The following RALYL variants were observed in gnomAD, a reference collection of about 807,000 sequenced individuals.
RALYL encodes RNA-binding Raly-like protein.
Under a neutral mutation model 35.1 loss-of-function variants are expected in RALYL, and 29 were observed. That is an observed-to-expected ratio of 0.83 (90% CI 0.61 to 1.13). RALYL has a LOEUF of 1.13. RALYL is among the 50% of genes most tolerant of loss of function. The pLI is 0.00. For missense variants in RALYL, 359 were observed against 360.4 expected (o/e 1.00, Z 0.03); for synonymous variants, 120 against 127.6 (o/e 0.94, Z 0.40).
intron 4 of RALYL, among the ~76,000 whole-genome samples, chr8:84,822,419 G>C (rs1828738594): frequency 6.6e-6 from 1 of 152,146 alleles, no homozygotes; most frequent in African/African-American, 2.4e-5. Context: ...GAAAGGATTT[G>C]ATAGCATTGC....
chr8:84,558,705 T>C (rs1209640023), intron 2 of RALYL, among the ~76,000 whole-genome samples: 1 of 152,148 alleles, frequency 6.6e-6, no homozygotes, highest in Non-Finnish European at 1.5e-5. Flanking sequence ...TTCTGGTCGC[T>C]GGAGAGGAAA....
intron 1 of RALYL, among the ~76,000 whole-genome samples, chr8:84,375,742 T>A (rs1856784582): frequency 6.6e-6 from 1 of 151,820 alleles, no homozygotes; most frequent in Admixed American, 6.6e-5. Flanking sequence ...TTTGCCAAAG[T>A]AGATATAAAT....
chr8:84,437,535 T>C (rs2047872139), intron 1 of RALYL, among the ~76,000 whole-genome samples: 1 of 152,142 alleles, frequency 6.6e-6, no homozygotes, highest in Non-Finnish European at 1.5e-5. Context: ...TTTGACTTTT[T>C]AATAGTAGCC....
At chr8:84,708,186 T>A (rs1303374995) in intron 2 of RALYL, among the ~76,000 whole-genome samples, 1 of 152,110 alleles carries the variant, frequency 6.6e-6, no homozygotes, top group East Asian at 1.9e-4. Context: ...TAAAGGTGCA[T>A]GTGGCTATGT....
intron 1 of RALYL, among the ~76,000 whole-genome samples, chr8:84,220,299 G>A (rs1172795473): frequency 5.3e-5 from 8 of 151,946 alleles, no homozygotes; most frequent in Non-Finnish European, 5.9e-5. Context: ...TGTCATATAT[G>A]TAAGCATATA....
chr8:84,857,024 G>A (rs1187942722), intron 5 of RALYL, among the ~76,000 whole-genome samples: 1 of 111,612 alleles, frequency 9.0e-6, no homozygotes, highest in Non-Finnish European at 1.7e-5. Flanking sequence ...GACAGAGCGA[G>A]ACTCCGTCTC....
intron 4 of RALYL, among the ~76,000 whole-genome samples, chr8:84,815,702 G>GAAAT (rs975361914): frequency 2.6e-5 from 4 of 151,914 alleles, no homozygotes; most frequent in Non-Finnish European, 5.9e-5. Context: ...TCTGATCTTG[G>GAAAT]AAATAAGCTG....
At position 84,657,293 on chromosome 8, in the gene RALYL, T is replaced by C. The variant is rs73296178; in HGVS notation, c.257-117286T>C. 6.2e-3 allele frequency among the ~76,000 whole-genome samples: 948 copies of C among 152,298 alleles called. 7 individuals are homozygous for C. The highest frequency in any genetic ancestry group is 0.026 in the East Asian group (134 of 5,182). On this transcript the variant is annotated intron_variant, in intron 2 of 8. Transcript: ENST00000521268. ...TAGTTGCTTGTTTAGTATTTGTCCA[T>C]TTATCAAATTAGTTTTCTTTTACTA...
intron 8 of RALYL, among the ~76,000 whole-genome samples, chr8:84,894,001 C>T (rs566509953): frequency 3.3e-5 from 5 of 152,232 alleles, no homozygotes; most frequent in African/African-American, 1.2e-4. Flanking sequence ...AGTAAGTCAC[C>T]TGGGCTTACC....
chr8:84,431,015 G>A (rs1210051765), intron 1 of RALYL, among the ~76,000 whole-genome samples: 2 of 152,120 alleles, frequency 1.3e-5, no homozygotes, highest in Non-Finnish European at 2.9e-5. Flanking sequence ...TTCTTCTTCT[G>A]TAAAGTAGGG....
intron 4 of RALYL, among the ~76,000 whole-genome samples, chr8:84,818,047 G>A (rs1827756576): frequency 6.6e-6 from 1 of 152,170 alleles, no homozygotes; most frequent in Non-Finnish European, 1.5e-5. Flanking sequence ...GAAGTGTTAA[G>A]AGAATCCAAT....
chr8:84,778,530 C>G (rs1817382505), intron 3 of RALYL, among the ~76,000 whole-genome samples: 1 of 152,150 alleles, frequency 6.6e-6, no homozygotes, highest in Non-Finnish European at 1.5e-5. Context: ...GAGGAAGTTA[C>G]TGATTCTGCC....
At chr8:84,858,947 C>T (rs1837573654) in intron 5 of RALYL, among the ~76,000 whole-genome samples, 1 of 152,048 alleles carries the variant, frequency 6.6e-6, no homozygotes, top group South Asian at 2.1e-4. Context: ...AAAATTATGC[C>T]CTCGTGTTAG....
intron 4 of RALYL, among the ~76,000 whole-genome samples, chr8:84,835,546 G>A (rs1300657745): frequency 1.3e-5 from 2 of 150,478 alleles, no homozygotes; most frequent in Admixed American, 6.6e-5. Context: ...AGCTGGGCAT[G>A]GTGGTGCATG....
chr8:84,356,986 G>T lies in RALYL; in HGVS notation c.-23-172313G>T, dbSNP rs544556501. On this transcript the variant is annotated intron_variant, in intron 1 of 8. Transcript: ENST00000521268. ...ACTGATATATTTTTGCTGTAAGGGC[G>T]TCACAAACATAATGAGTCCAGTTAC... Among the ~76,000 whole-genome samples, 27 of 152,162 alleles carry T rather than the reference G, an allele frequency of 1.8e-4. No homozygotes were observed. In the South Asian group the frequency reaches 5.6e-3, roughly 32 times the overall value.
intron 1 of RALYL, among the ~76,000 whole-genome samples, chr8:84,343,730 A>G (rs1849297640): frequency 6.6e-6 from 1 of 151,836 alleles, no homozygotes; most frequent in African/African-American, 2.4e-5. Flanking sequence ...CCAGGGCTGA[A>G]CCATTCCTCC....
chr8:84,757,705 T>A (rs1484182465), intron 2 of RALYL, among the ~76,000 whole-genome samples: 1 of 152,098 alleles, frequency 6.6e-6, no homozygotes, highest in Non-Finnish European at 1.5e-5. Flanking sequence ...CCAAAACAAA[T>A]TAAACTCAGA....
intron 1 of RALYL, among the ~76,000 whole-genome samples, chr8:84,321,669 C>A (rs1844838282): frequency 6.6e-6 from 1 of 152,044 alleles, no homozygotes; most frequent in South Asian, 2.1e-4. Context: ...CTAAGAAAAA[C>A]TTGGGACATA....
chr8:84,669,297 T>C (rs1832716647), intron 2 of RALYL, among the ~76,000 whole-genome samples: 1 of 152,156 alleles, frequency 6.6e-6, no homozygotes, highest in African/African-American at 2.4e-5. Flanking sequence ...GTCTCTGGGC[T>C]TGGGCAGGGC....
Sources: gnomAD v4.1 joint callset for allele counts (sites outside exome capture counted in the v4.1 genomes callset) on GRCh38, gnomAD v4.1.1 for gene constraint, MANE v1.5 for transcripts, NCBI Gene and HGNC (gene_info 2026-07-23, HGNC 2026-07-21) for gene names.